TIAM1: variants seen among roughly 807,000 people sequenced by gnomAD.
The protein encoded by TIAM1 is TIAM Rac1 associated GEF 1, also known as rho guanine nucleotide exchange factor TIAM1.
Under a neutral mutation model 163.5 loss-of-function variants are expected in TIAM1, and 65 were observed. The ratio of observed to expected loss-of-function variants is 0.40; its 90% CI spans 0.33 to 0.49. TIAM1 has a LOEUF of 0.49. Ranked by LOEUF, TIAM1 falls within the 20% of genes least tolerant of loss-of-function variation. TIAM1 has a pLI of 0.77. For synonymous variants in TIAM1, 833 were observed against 810.1 expected, an observed-to-expected ratio of 1.03 and a Z score of -0.48; for missense variants, 1,789 against 2,044.7, an observed-to-expected ratio of 0.87 and a Z score of 2.41.
chr21:31,142,794 G>T (rs753039778), intron 20 of TIAM1, among the ~76,000 whole-genome samples: 2 of 152,106 alleles, frequency 1.3e-5, no homozygotes, highest in African/African-American at 2.4e-5. Context: ...GTGGGCATCC[G>T]TGGGCTCTGA....
At chr21:31,272,275 C>T (rs897609779) in intron 3 of TIAM1, among the ~76,000 whole-genome samples, 10 of 151,888 alleles carry the variant, frequency 6.6e-5, no homozygotes, top group Non-Finnish European at 1.5e-4. Flanking sequence ...GTATGTGTAC[C>T]ACCGTAAAGT....
chr21:31,341,818 G>A (rs909885656), intron 1 of TIAM1, among the ~76,000 whole-genome samples: 1 of 152,124 alleles, frequency 6.6e-6, no homozygotes, highest in Non-Finnish European at 1.5e-5. Context: ...GAGTTCCACT[G>A]GGCAGAATTT....
In TIAM1 at chr21:31,213,800, C is replaced by T. The variant is rs571434614; in HGVS notation, c.2143-328G>A. On this transcript the variant is annotated intron_variant, in intron 9 of 27. Coordinates refer to ENST00000541036, the MANE Select transcript of TIAM1 (RefSeq NM_001353694.2). ...TCCCTAGCACTTTGGGAAGCTGAGGCGGGAGGACTGCTTGAGCCTAGGAGT... is the reference window on the plus strand; with the variant it reads ...TCCCTAGCACTTTGGGAAGCTGAGGTGGGAGGACTGCTTGAGCCTAGGAGT... 3.4e-4 allele frequency among the ~76,000 whole-genome samples: 47 copies of T among 138,900 alleles called. No individual in the cohort carries two copies. In the South Asian group the frequency reaches 9.9e-3, roughly 29 times the overall value. 91.1% of individuals were successfully genotyped at this position (138,900 alleles called of 152,430 possible). A position where few individuals can be genotyped will look rare whatever the true frequency, so the allele number is the denominator to read the frequency against.
At chr21:31,228,272 A>T (rs2146648699) in intron 6 of TIAM1, among the ~76,000 whole-genome samples, 1 of 101,816 alleles carries the variant, frequency 9.8e-6, no homozygotes. Context: ...AAGGAAAAAA[A>T]GAATCCAAGA....
At chr21:31,152,048 G>GTTTTTTTTTTTTTTTTTTTTTTTTTTTTT (rs1568926589) in intron 19 of TIAM1, among the ~76,000 whole-genome samples, 1 of 18,978 alleles carries the variant, frequency 5.3e-5, no homozygotes, top group Non-Finnish European at 1.1e-4. Flanking sequence ...TTTTTTTTTT[G>GTTTTTTTTTTTTTTTTTTTTTTTTTTTTT]TAAGACGGAG....
chr21:31,228,245 A>ATCTGATAAGGATTTTTCCTTT (rs774208885), intron 6 of TIAM1, among the ~76,000 whole-genome samples: 914 of 67,070 alleles, frequency 0.014, 123 homozygotes, highest in South Asian at 0.038. Flanking sequence ...AAAAAAAAAA[A>ATCTGATAAGGATTTTTCCTTT]AAAAAAAAAA....
At chr21:31,322,827 C>T (rs2075360495) in intron 2 of TIAM1, among the ~76,000 whole-genome samples, 2 of 152,144 alleles carry the variant, frequency 1.3e-5, no homozygotes, top group Non-Finnish European at 1.5e-5. Flanking sequence ...TCTATTTCCA[C>T]AAGGGGGTCA....
intron 2 of TIAM1, among the ~76,000 whole-genome samples, chr21:31,334,604 C>G (rs1162280564): frequency 1.3e-5 from 2 of 152,176 alleles, no homozygotes; most frequent in Non-Finnish European, 2.9e-5. Flanking sequence ...TAACCCAGGC[C>G]TCTGGAAAGA....
At chr21:31,461,125 T>C (rs2045309845) in intron 2 of TIAM1, among the ~76,000 whole-genome samples, 4 of 152,272 alleles carry the variant, frequency 2.6e-5, no homozygotes, top group Non-Finnish European at 4.4e-5. Context: ...CATGGTAGCA[T>C]ACTCCTATGA....
chr21:31,453,810 A>AG (rs1555986566), intron 2 of TIAM1, among the ~76,000 whole-genome samples: 3 of 66 alleles, frequency 0.045, no homozygotes, highest in African/African-American at 0.14. Context: ...TGGCCAAAAG[A>AG]GGGGGGAAAT....
chr21:31,389,698 TA>T (rs1449251123), intron 2 of TIAM1, among the ~76,000 whole-genome samples: 2 of 152,252 alleles, frequency 1.3e-5, no homozygotes, highest in African/African-American at 2.4e-5. Flanking sequence ...TACTACCATT[TA>T]ATCTCTTATT....
intron 1 of TIAM1, among the ~76,000 whole-genome samples, chr21:31,515,059 T>C (rs75884306): frequency 0.015 from 2,356 of 152,316 alleles, 58 homozygotes; most frequent in African/African-American, 0.053. Context: ...CCAAAGGACA[T>C]TGTGGATTTG....
intron 19 of TIAM1, among the ~76,000 whole-genome samples, chr21:31,148,470 CCT>C (rs1182832990): frequency 6.6e-6 from 1 of 152,150 alleles, no homozygotes; most frequent in East Asian, 1.9e-4. Flanking sequence ...GTCCATTAAA[CCT>C]CTTTTTCTTT....
intron 6 of TIAM1, among the ~76,000 whole-genome samples, chr21:31,227,985 C>A (rs1569067847): frequency 1.3e-5 from 2 of 151,766 alleles, no homozygotes; most frequent in African/African-American, 4.8e-5. Flanking sequence ...TCACTGCAAC[C>A]TCCGCCTCCC....
intron 2 of TIAM1, among the ~76,000 whole-genome samples, chr21:31,330,173 C>T (rs1430702891): frequency 6.6e-6 from 1 of 152,184 alleles, no homozygotes; most frequent in Non-Finnish European, 1.5e-5. Context: ...CCTGGGAGCA[C>T]CAGTCCTGTG....
chr21:31,530,270 A>C (rs2047929704), intron 1 of TIAM1, among the ~76,000 whole-genome samples: 1 of 152,268 alleles, frequency 6.6e-6, no homozygotes, highest in Non-Finnish European at 1.5e-5. Context: ...AAGCAAAGTT[A>C]TCTCTACACA....
At chr21:31,494,566 C>G (rs1380157395) in intron 1 of TIAM1, among the ~76,000 whole-genome samples, 5 of 152,220 alleles carry the variant, frequency 3.3e-5, no homozygotes, top group African/African-American at 1.2e-4. Flanking sequence ...AAAAATCAGC[C>G]AGGCACAGTG....
chr21:31,174,425 C>T (rs1348232894), intron 15 of TIAM1, among the ~76,000 whole-genome samples: 1 of 152,196 alleles, frequency 6.6e-6, no homozygotes, highest in African/African-American at 2.4e-5. Flanking sequence ...CTGCAGAGCA[C>T]AAGCTTCCAC....
chr21:31,145,730 ACT>A (rs1400219015), intron 20 of TIAM1, among the ~76,000 whole-genome samples: 1 of 152,178 alleles, frequency 6.6e-6, no homozygotes, highest in Non-Finnish European at 1.5e-5. Context: ...CTGTTATCAC[ACT>A]CCCAGGAACA....
Sources: allele counts gnomAD v4.1 joint callset (sites outside exome capture counted in the v4.1 genomes callset), GRCh38; gene constraint gnomAD v4.1.1; transcripts MANE v1.5; gene names NCBI Gene and HGNC (gene_info 2026-07-23, HGNC 2026-07-21).